Variants in SNTG1 observed in about 807,000 individuals in gnomAD.
SNTG1 encodes gamma-1-syntrophin.
A neutral mutation model predicts 74.7 loss-of-function variants in SNTG1; 39 were observed. The ratio of observed to expected loss-of-function variants is 0.52; its 90% CI spans 0.40 to 0.68. SNTG1 has a LOEUF of 0.68. Ranked by LOEUF, SNTG1 falls within the 30% of genes least tolerant of loss-of-function variation. The probability of loss-of-function intolerance (pLI) is 0.00; values close to 1 mark genes in which losing one functional copy is unlikely to be tolerated. For missense variants in SNTG1, 685 were observed against 609.5 expected, an observed-to-expected ratio of 1.12 and a Z score of -1.30; for synonymous variants, 254 against 217.1, an observed-to-expected ratio of 1.17 and a Z score of -1.49.
intron 2 of SNTG1, among the ~76,000 whole-genome samples, chr8:50,254,099 C>T (rs1353744725): frequency 1.3e-5 from 2 of 152,000 alleles, no homozygotes; most frequent in South Asian, 2.1e-4. Context: ...TGGATACACT[C>T]GATACCTTGA....
At chr8:50,592,085 AGTGTAGTTCAAGATAG>A (rs1485634988) in intron 13 of SNTG1, among the ~76,000 whole-genome samples, 10 of 152,146 alleles carry the variant, frequency 6.6e-5, no homozygotes, top group Admixed American at 2.6e-4. Flanking sequence ...ACTGCAGATA[AGTGTAGTTCAAGATAG>A]GTGTCATCCT....
At chr8:50,104,345 G>C (rs187570926) in intron 1 of SNTG1, among the ~76,000 whole-genome samples, 80 of 152,304 alleles carry the variant, frequency 5.3e-4, no homozygotes, top group African/African-American at 1.9e-3. Flanking sequence ...TAGTTTATTT[G>C]CATAGAGGTG....
chr8:50,015,014 GAA>G (rs968461972), intron 1 of SNTG1, among the ~76,000 whole-genome samples: 2 of 136,722 alleles, frequency 1.5e-5, no homozygotes, highest in Admixed American at 7.4e-5. Context: ...CACATGCACA[GAA>G]AAAAAAAAAG....
At chr8:50,158,649 G>GT (rs1215616620) in intron 1 of SNTG1, among the ~76,000 whole-genome samples, 2 of 152,046 alleles carry the variant, frequency 1.3e-5, no homozygotes, top group Non-Finnish European at 1.5e-5. Flanking sequence ...GGAGTTCATT[G>GT]TTTTTTTCTG....
At chr8:50,695,607 A>G (rs2095402052) in intron 15 of SNTG1, among the ~76,000 whole-genome samples, 1 of 151,590 alleles carries the variant, frequency 6.6e-6, no homozygotes, top group Admixed American at 6.6e-5. Flanking sequence ...TAAATTTTTA[A>G]TCTTTACCCA....
intron 17 of SNTG1, among the ~76,000 whole-genome samples, chr8:50,722,472 G>A (rs2095490212): frequency 1.3e-5 from 2 of 152,014 alleles, no homozygotes; most frequent in South Asian, 4.1e-4. Flanking sequence ...CACCACACCT[G>A]GCCCACATTG....
At chr8:50,447,038 T>C (rs2093414176) in intron 5 of SNTG1, among the ~76,000 whole-genome samples, 1 of 152,160 alleles carries the variant, frequency 6.6e-6, no homozygotes, top group Admixed American at 6.5e-5. Flanking sequence ...GTGCTTCCTT[T>C]CTCTCACAAA....
intron 8 of SNTG1, among the ~76,000 whole-genome samples, chr8:50,465,550 A>G (rs1056826782): frequency 2.0e-5 from 3 of 152,180 alleles, no homozygotes; most frequent in African/African-American, 7.2e-5. Context: ...CACTGTTACA[A>G]TGTCATACAG....
intron 16 of SNTG1, 68 bp downstream of exon 16, chr8:50,704,820 A>G: frequency 6.5e-7 from 1 of 1,541,130 alleles, no homozygotes; most frequent in Non-Finnish European, 8.9e-7. Context: ...TAGAGTTCTA[A>G]TATCATTCCA....
At chr8:50,594,441 AATAAT>A (rs772400673) in intron 13 of SNTG1, among the ~76,000 whole-genome samples, 2 of 152,094 alleles carry the variant, frequency 1.3e-5, no homozygotes, top group Non-Finnish European at 2.9e-5. Flanking sequence ...CAGTATACAA[AATAAT>A]ATAATCAAAT....
intron 13 of SNTG1, among the ~76,000 whole-genome samples, chr8:50,607,936 T>C (rs2094824402): frequency 6.6e-6 from 1 of 151,740 alleles, no homozygotes. Flanking sequence ...AGTTTCTTAA[T>C]TTGCCTGTAA....
At chr8:50,097,715 T>C (rs1447123432) in intron 1 of SNTG1, among the ~76,000 whole-genome samples, 2 of 152,158 alleles carry the variant, frequency 1.3e-5, no homozygotes, top group Non-Finnish European at 2.9e-5. Flanking sequence ...TTATGTACTT[T>C]AAGATTATGA....
intron 17 of SNTG1, among the ~76,000 whole-genome samples, chr8:50,710,437 T>C (rs965584056): frequency 2.0e-5 from 3 of 152,124 alleles, no homozygotes; most frequent in African/African-American, 7.2e-5. Flanking sequence ...GAGTAATAAG[T>C]TAATTTTATA....
chr8:50,358,828 T>C (rs1197802183), intron 2 of SNTG1, among the ~76,000 whole-genome samples: 2 of 152,200 alleles, frequency 1.3e-5, no homozygotes, highest in Non-Finnish European at 2.9e-5. Context: ...TGATGAACTA[T>C]TCAAGTTCAG....
At chr8:49,951,169 A>G (rs758797458) in intron 1 of SNTG1, among the ~76,000 whole-genome samples, 28 of 152,210 alleles carry the variant, frequency 1.8e-4, no homozygotes, top group Non-Finnish European at 3.8e-4. Context: ...TAAAGCTAGA[A>G]ATTAGGTTTG....
chr8:50,742,701 A>G (rs2095546188), intron 17 of SNTG1, among the ~76,000 whole-genome samples: 2 of 151,846 alleles, frequency 1.3e-5, no homozygotes, highest in Admixed American at 1.3e-4. Flanking sequence ...GAAAAAAATA[A>G]AATAGATACT....
At chr8:50,734,352 T>G (rs970056016) in intron 17 of SNTG1, among the ~76,000 whole-genome samples, 1 of 151,712 alleles carries the variant, frequency 6.6e-6, no homozygotes, top group Non-Finnish European at 1.5e-5. Context: ...ATTCTAATTA[T>G]CTAGCAAAAT....
chr8:50,263,799 T>C (rs76996571), intron 2 of SNTG1, among the ~76,000 whole-genome samples: 2,359 of 152,230 alleles, frequency 0.015, 50 homozygotes, highest in African/African-American at 0.044. Context: ...AAAAGCACAA[T>C]AATGCAGAAG....
intron 2 of SNTG1, among the ~76,000 whole-genome samples, chr8:50,277,591 A>C (rs1002848849): frequency 4.0e-4 from 61 of 152,170 alleles, no homozygotes; most frequent in Non-Finnish European, 8.8e-5. Context: ...AACATTAAAC[A>C]ATTGTGTGAT....
Sources: allele counts gnomAD v4.1 joint callset (sites outside exome capture counted in the v4.1 genomes callset), GRCh38; gene constraint gnomAD v4.1.1; transcripts MANE v1.5; gene names NCBI Gene and HGNC (gene_info 2026-07-23, HGNC 2026-07-21).